Variants in LAMA2 observed in about 807,000 individuals in gnomAD.
LAMA2 encodes laminin subunit alpha 2.
Under a neutral mutation model 364.8 loss-of-function variants are expected in LAMA2, and 269 were observed. The ratio of observed to expected loss-of-function variants is 0.74; its 90% CI spans 0.67 to 0.82. The LOEUF is 0.82. LAMA2 is among the 40% of genes least tolerant of loss of function. The probability of loss-of-function intolerance (pLI) is 0.00; values close to 1 mark genes in which losing one functional copy is unlikely to be tolerated. For missense variants in LAMA2, 3,807 were observed against 3,873.2 expected, an observed-to-expected ratio of 0.98 and a Z score of 0.45; for synonymous variants, 1,379 against 1,370.6, an observed-to-expected ratio of 1.01 and a Z score of -0.14.
At chr6:129,233,168 C>T (rs1389598432) in intron 12 of LAMA2, among the ~76,000 whole-genome samples, 3 of 152,164 alleles carry the variant, frequency 2.0e-5, no homozygotes, top group Non-Finnish European at 4.4e-5. Flanking sequence ...GCCTACAGAA[C>T]TGTATTCCAA....
intron 1 of LAMA2, among the ~76,000 whole-genome samples, chr6:129,022,591 G>C (rs1785511577): frequency 6.6e-6 from 1 of 152,166 alleles, no homozygotes; most frequent in Non-Finnish European, 1.5e-5. Context: ...CCTGTGCTTA[G>C]ATTTTGATAA....
intron 64 of LAMA2, 33 bp downstream of exon 64, chr6:129,514,628 T>C: frequency 1.3e-6 from 2 of 1,504,784 alleles, no homozygotes; most frequent in East Asian, 4.5e-5. Context: ...ACAATTTCTT[T>C]GCTCTCTTAT....
intron 7 of LAMA2, among the ~76,000 whole-genome samples, chr6:129,151,733 T>C (rs1300738225): frequency 6.6e-6 from 1 of 152,074 alleles, no homozygotes; most frequent in Non-Finnish European, 1.5e-5. Flanking sequence ...CCATCAGATC[T>C]TGTACGAACT....
At chr6:128,947,667 G>T (rs1780561669) in intron 1 of LAMA2, among the ~76,000 whole-genome samples, 1 of 152,102 alleles carries the variant, frequency 6.6e-6, no homozygotes, top group Admixed American at 6.6e-5. Flanking sequence ...AAACATTATT[G>T]AAAAAGAAGA....
rs781727788 is a variant in LAMA2, at chr6:129,353,263, T to C, written c.4623T>C (p.Pro1541=). The change falls in exon 32 of 65, where the codon CCT becomes CCC. Residue 1541 remains proline, a synonymous_variant. Transcript: ENST00000421865. ...PYGSLPVPCD[P]VTGFCTCRPG... ...GCTCACTGCCTGTGCCCTGTGACCC[T>C]GTCACAGGATTCTGCACGTGCCGAC... 9.3e-6 allele frequency: 15 copies of C among 1,613,356 alleles called. No homozygotes were observed. In the East Asian group the frequency reaches 2.9e-4, roughly 31 times the overall value.
intron 12 of LAMA2, among the ~76,000 whole-genome samples, chr6:129,221,640 A>G (rs1783861637): frequency 6.6e-6 from 1 of 152,066 alleles, no homozygotes; most frequent in Non-Finnish European, 1.5e-5. Context: ...AATCAACCAG[A>G]TTTCTTATAT....
At chr6:129,069,414 A>T (rs1161673511) in intron 3 of LAMA2, among the ~76,000 whole-genome samples, 1 of 148,264 alleles carries the variant, frequency 6.7e-6, no homozygotes, top group Admixed American at 6.8e-5. Context: ...CTAATATACA[A>T]TTATATTATT....
Position 129,312,869 on chromosome 6 carries a change from C to G in LAMA2, c.3183C>G (p.Asn1061Lys), listed in dbSNP as rs1196602134. The G allele has an allele frequency of 5.0e-6, 8 of 1,612,822 alleles. No individual in the cohort carries two copies. Among genetic ancestry groups the G allele is most frequent in the Non-Finnish European group, 6.8e-6 (8 of 1,178,952 alleles). ...TTTTATCTCCTCTATAGGCTTGTAA[C>G]TGCAGCACAGTGGGATCCTTGGATT... ...HSITTGCKACNCSTVGSLDFQ... is the reference protein window; with the variant it reads ...HSITTGCKACKCSTVGSLDFQ... Residue 1061 changes from asparagine to lysine, a missense_variant, in exon 23 of 65, where the codon AAC (asparagine) becomes AAG (lysine). This residue lies in a region of LAMA2 where 3,333 missense variants were observed against 3,345.7 expected (regional missense o/e 1.00). Transcript: ENST00000421865.
intron 27 of LAMA2, among the ~76,000 whole-genome samples, chr6:129,319,736 C>T (rs2114511470): frequency 6.6e-6 from 1 of 152,136 alleles, no homozygotes; most frequent in East Asian, 1.9e-4. Context: ...TCCTGTTGAA[C>T]AGAAGCCATA....
chr6:129,081,001 C>T (rs1774014250), intron 3 of LAMA2, among the ~76,000 whole-genome samples: 1 of 152,166 alleles, frequency 6.6e-6, no homozygotes, highest in African/African-American at 2.4e-5. Flanking sequence ...CCCAAATGTC[C>T]ATCAATGATA....
intron 1 of LAMA2, among the ~76,000 whole-genome samples, chr6:128,975,564 C>A (rs1782478327): frequency 6.6e-6 from 1 of 152,196 alleles, no homozygotes; most frequent in Non-Finnish European, 1.5e-5. Context: ...CCACCCAGAT[C>A]TCATCTTGAA....
At chr6:129,514,007 G>A (rs1448423080) in intron 63 of LAMA2, among the ~76,000 whole-genome samples, 2 of 152,058 alleles carry the variant, frequency 1.3e-5, no homozygotes, top group Admixed American at 6.5e-5. Flanking sequence ...AATTTTATAA[G>A]GTTCAGTCAG....
chr6:129,504,852 C>T (rs1213634956), intron 60 of LAMA2, among the ~76,000 whole-genome samples: 1 of 152,214 alleles, frequency 6.6e-6, no homozygotes, highest in Non-Finnish European at 1.5e-5. Context: ...ATGAATTTTG[C>T]TACCCACTTA....
rs74342658 is a variant in LAMA2 at position 129,062,577 on chromosome 6, C to G, written c.396+2681C>G. ...TAGAACCCTCATTTTCTAGTATACT[C>G]TAGTGTGCCTCTAAAATGGCAAAGC... is the stretch of plus-strand genomic sequence containing the variant. On this transcript the variant is annotated intron_variant, in intron 3 of 64. Transcript: ENST00000421865. Among the ~76,000 whole-genome samples, 1,345 of 152,240 alleles carry G rather than the reference C, an allele frequency of 8.8e-3. 22 individuals are homozygous for G. The highest frequency in any genetic ancestry group is 0.031 in the African/African-American group (1,284 of 41,564).
intron 57 of LAMA2, 23 bp downstream of exon 57, chr6:129,492,100 A>G: frequency 6.3e-7 from 1 of 1,599,262 alleles, no homozygotes; most frequent in South Asian, 1.1e-5. Context: ...CCTCATTACT[A>G]CTACTAATTT....
chr6:129,005,488 G>T (rs1004549181), intron 1 of LAMA2, among the ~76,000 whole-genome samples: 1 of 151,608 alleles, frequency 6.6e-6, no homozygotes, highest in Non-Finnish European at 1.5e-5. Flanking sequence ...CTTGATACTT[G>T]TATTTTACCA....
intron 51 of LAMA2, among the ~76,000 whole-genome samples, chr6:129,467,288 G>A (rs763946656): frequency 2.6e-5 from 4 of 151,698 alleles, no homozygotes; most frequent in Non-Finnish European, 5.9e-5. Context: ...TCACTTACAA[G>A]GCGAGAAGCT....
chr6:129,342,567 A>G (rs761267168), intron 30 of LAMA2, 100 bp downstream of exon 30: 357 of 1,165,364 alleles, frequency 3.1e-4, no homozygotes, highest in Non-Finnish European at 4.3e-4. Context: ...GTAGACAAAA[A>G]TCTCAATTTA....
At chr6:129,119,696 C>T (rs866164998) in intron 4 of LAMA2, among the ~76,000 whole-genome samples, 5 of 152,090 alleles carry the variant, frequency 3.3e-5, no homozygotes, top group African/African-American at 1.2e-4. Flanking sequence ...TACAGGCGCC[C>T]GCCACCACGC....
Sources: gnomAD v4.1 joint callset for allele counts (sites outside exome capture counted in the v4.1 genomes callset) on GRCh38, gnomAD v4.1.1 for gene constraint, gnomAD v4.1.1 regional missense constraint, MANE v1.5 for transcripts, NCBI Gene and HGNC (gene_info 2026-07-23, HGNC 2026-07-21) for gene names.